Variants in C19orf44 observed in about 807,000 individuals in gnomAD.
C19orf44 encodes chromosome 19 open reading frame 44.
A neutral mutation model predicts 50.7 loss-of-function variants in C19orf44; 43 were observed. The observed-to-expected ratio is 0.85, with a 90% CI of 0.66 to 1.09. The LOEUF (loss-of-function observed/expected upper bound fraction) is 1.09. C19orf44 is among the 50% of genes least tolerant of loss of function. The pLI is 0.00. For synonymous variants in C19orf44, 298 were observed against 334.7 expected, an observed-to-expected ratio of 0.89 and a Z score of 1.20; for missense variants, 722 against 836.2, an observed-to-expected ratio of 0.86 and a Z score of 1.68.
At chr19:16,510,095 G>A in intron 5 of C19orf44, 107 bp downstream of exon 5, 1 of 1,556,682 alleles carries the variant, frequency 6.4e-7, no homozygotes, top group Non-Finnish European at 8.8e-7. Flanking sequence ...CTGAGATTTG[G>A]GCTCTTGTTA....
In C19orf44 at chr19:16,501,110, T is replaced by A. The variant is rs368718509; in HGVS notation, c.318T>A (p.Asn106Lys). Reference sequence around the variant, plus strand: ...CCCAGCTGGAAACCCGGATCATGAATCGGAAGCTGCAGAGGAATTTGTCTG... The same window carrying A: ...CCCAGCTGGAAACCCGGATCATGAAACGGAAGCTGCAGAGGAATTTGTCTG... ...KLAQLETRIMNRKLQRNLSDT... is the reference protein window; with the variant it reads ...KLAQLETRIMKRKLQRNLSDT... Residue 106 changes from asparagine (N) to lysine (K), a missense_variant, in exon 2 of 9, where the codon AAT becomes AAA. Coordinates refer to ENST00000221671, the MANE Select transcript of C19orf44 (RefSeq NM_032207.4). The A allele has an allele frequency of 6.2e-7, 1 of 1,613,930 alleles. No individual in the cohort carries two copies. Among genetic ancestry groups the A allele is most frequent in the Non-Finnish European group, 8.5e-7 (1 of 1,180,036 alleles).
chr19:16,520,018 G>T lies in C19orf44; in HGVS notation c.*41-76G>T, dbSNP rs1221360883. The T allele has an allele frequency of 1.1e-6, 1 of 946,840 alleles. No homozygotes were observed. The highest frequency in any genetic ancestry group is 1.6e-6 in the Non-Finnish European group (1 of 613,166). The allele number at this position is 946,840 out of a possible 1,614,324, so 58.7% of individuals were successfully genotyped here. A position where few individuals can be genotyped will look rare whatever the true frequency, so the allele number is the denominator to read the frequency against. The stretch of plus-strand genomic sequence containing the variant: ...GTGGCTACTGTGGTGAAGGGTGAGG[G>T]GTGCCACTGTCCCCGGGCTAATGCT... On this transcript the variant is annotated intron_variant, in intron 8 of 8. Transcript: ENST00000221671. This position sits in a 1 kb window ranked among gnomAD's most constrained non-coding sequence, Gnocchi z 4.0.
At chr19:16,510,024 G>T in intron 5 of C19orf44, 36 bp downstream of exon 5, 1 of 1,613,904 alleles carries the variant, frequency 6.2e-7, no homozygotes, top group South Asian at 1.1e-5. Flanking sequence ...GGGGCAGCCG[G>T]GACAGGAGCT....
chr19:16,507,421 T>C (rs956780933), intron 4 of C19orf44, among the ~76,000 whole-genome samples: 4 of 152,108 alleles, frequency 2.6e-5, no homozygotes, highest in Admixed American at 6.6e-5. Context: ...TTATACACAG[T>C]GATGACATTT....
At position 16,513,037 on chromosome 19, in the gene C19orf44, C is replaced by T; in HGVS notation, c.1663C>T (p.Pro555Ser). The change falls in exon 6 of 9, where the codon CCT becomes TCT. Residue 555 changes from proline to serine, a missense_variant. Physicochemically the swap from Pro to Ser is moderately conservative, Grantham distance 74. Transcript: ENST00000221671. ...AGTGGCCAGCATGGCAGCCATGGGG[C>T]CTGCCCTGGGAGGCGCCTACGTGGA... ...TKVASMAAMG[P>S]ALGGAYVDPT... 4 of 1,613,396 alleles carry T rather than the reference C, an allele frequency of 2.5e-6. No individual in the cohort carries two copies. Among genetic ancestry groups the T allele is most frequent in the Non-Finnish European group, 3.4e-6 (4 of 1,179,972 alleles).
chr19:16,515,191 A>G (rs1049371825), intron 7 of C19orf44, among the ~76,000 whole-genome samples: 8 of 152,106 alleles, frequency 5.3e-5, no homozygotes, highest in African/African-American at 1.9e-4. Flanking sequence ...GTGAAGCCCC[A>G]TCTCTACTAA....
intron 4 of C19orf44, 100 bp from the exon 5 acceptor site, chr19:16,509,399 C>T (rs2093449767): frequency 4.8e-6 from 7 of 1,445,610 alleles, no homozygotes; most frequent in Non-Finnish European, 4.7e-6. Context: ...CCCTTGTCTG[C>T]GGGAGTGCTG....
At chr19:16,516,813 A>G (rs2093473760) in intron 7 of C19orf44, among the ~76,000 whole-genome samples, 1 of 152,184 alleles carries the variant, frequency 6.6e-6, no homozygotes, top group African/African-American at 2.4e-5. Context: ...GGTCTCTACA[A>G]TGTCAACTTT....
chr19:16,520,708 G>T lies in C19orf44; in HGVS notation c.*655G>T. Reference sequence around the variant, plus strand: ...GAATTCAGGCCTTGTGGAAAACACCGCCCCATAGGCACAGGCTGTGTGAGG... The same window carrying T: ...GAATTCAGGCCTTGTGGAAAACACCTCCCCATAGGCACAGGCTGTGTGAGG... On this transcript the variant is annotated 3_prime_UTR_variant, in exon 9 of 9. Transcript: ENST00000221671. The surrounding 1 kb of genome is among the most constrained non-coding windows in gnomAD (Gnocchi z 4.0). 1.7e-6 allele frequency: 2 copies of T among 1,193,162 alleles called. No individual in the cohort carries two copies. The highest frequency in any genetic ancestry group is 2.5e-6 in the Non-Finnish European group (2 of 813,562). 73.9% of individuals were successfully genotyped at this position (1,193,162 alleles called of 1,614,324 possible). A position where few individuals can be genotyped will look rare whatever the true frequency, so the allele number is the denominator to read the frequency against.
In C19orf44 at chr19:16,520,342, C is replaced by T. The variant is rs1441231175; in HGVS notation, c.*289C>T. On this transcript the variant is annotated 3_prime_UTR_variant, in exon 9 of 9. Transcript: ENST00000221671. The surrounding 1 kb of genome is among the most constrained non-coding windows in gnomAD (Gnocchi z 4.0). ...CCACAGGAAGAGGCCTCAGGCACTG[C>T]CCTGAGGCAGCCTCTGCCTACCTAG... The T allele has an allele frequency of 1.9e-6, 3 of 1,611,450 alleles. No homozygotes were observed. In the Admixed American group the frequency reaches 5.0e-5, roughly 27 times the overall value.
rs762562358 is a variant in C19orf44, at chr19:16,520,227, C to T, written c.*174C>T. On this transcript the variant is annotated 3_prime_UTR_variant, in exon 9 of 9. Transcript: ENST00000221671. This position sits in a 1 kb window ranked among gnomAD's most constrained non-coding sequence, Gnocchi z 4.0. ...CTTGGACCGGGACCGCGACTGGGAC[C>T]GGGAGCGGCTTCTGGAGGAGCGCGA... 1.2e-5 allele frequency: 20 copies of T among 1,613,392 alleles called. No homozygotes were observed. Among genetic ancestry groups the T allele is most frequent in the African/African-American group, 5.3e-5 (4 of 75,012 alleles).
At position 16,519,591 on chromosome 19, in the gene C19orf44, T is replaced by A. The variant is rs778163825; in HGVS notation, c.*41-503T>A. 27 of 1,574,022 alleles carry A rather than the reference T, an allele frequency of 1.7e-5. No homozygotes were observed. Among genetic ancestry groups the A allele is most frequent in the Non-Finnish European group, 2.4e-5 (27 of 1,143,800 alleles). ...CGGGCCCAGCACGCGTGAGGACCCATCCCGCGCCCTCCCCATTCCCTCGCC... is the reference window on the plus strand; with the variant it reads ...CGGGCCCAGCACGCGTGAGGACCCAACCCGCGCCCTCCCCATTCCCTCGCC... On this transcript the variant is annotated intron_variant, in intron 8 of 8. Transcript: ENST00000221671. This position sits in a 1 kb window ranked among gnomAD's most constrained non-coding sequence, Gnocchi z 6.0.
chr19:16,510,173 G>A lies in C19orf44; in HGVS notation c.1639+185G>A, dbSNP rs573580755. 125 of 772,080 alleles carry A rather than the reference G, an allele frequency of 1.6e-4. No homozygotes were observed. The Admixed American group carries it at 1.9e-3, about 12-fold the overall frequency. 47.8% of individuals were successfully genotyped at this position (772,080 alleles called of 1,614,324 possible). On this transcript the variant is annotated intron_variant, in intron 5 of 8. Coordinates refer to ENST00000221671, the MANE Select transcript of C19orf44 (RefSeq NM_032207.4). ...TGTAATCCCAGCACTTTGGGAGGCC[G>A]AGGCGGGAGGATCACTTGAGGTCAG...
At position 16,521,137 on chromosome 19, in the gene C19orf44, C is replaced by T. The variant is rs1036077811; in HGVS notation, c.*1084C>T. On this transcript the variant is annotated 3_prime_UTR_variant, in exon 9 of 9. Transcript: ENST00000221671. Reference sequence around the variant, plus strand: ...CCACGCCCTTGCCACCCTGCTGTTCCGCTGAGGTGGTGGGGACCCATGGTC... The same window carrying T: ...CCACGCCCTTGCCACCCTGCTGTTCTGCTGAGGTGGTGGGGACCCATGGTC... 29 of 599,272 alleles carry T rather than the reference C, an allele frequency of 4.8e-5. No homozygotes were observed. Among genetic ancestry groups the T allele is most frequent in the Admixed American group, 3.1e-4 (11 of 35,242 alleles). 37.1% of individuals were successfully genotyped at this position (599,272 alleles called of 1,614,324 possible).
Position 16,499,089 on chromosome 19 carries a change from A to G in C19orf44, c.-1-1703A>G, listed in dbSNP as rs146732233. Among the ~76,000 whole-genome samples, 19 of 152,272 alleles carry G rather than the reference A, an allele frequency of 1.2e-4. No homozygotes were observed. The East Asian group carries it at 3.7e-3, about 29-fold the overall frequency. On this transcript the variant is annotated intron_variant, in intron 1 of 8. Coordinates refer to ENST00000221671, the MANE Select transcript of C19orf44 (RefSeq NM_032207.4). Reference sequence around the variant, plus strand: ...TGAGCAGGCTGACACAGAGCGATTAAGTAACTTGCCCGGGGTCACACAGAC... The same window carrying G: ...TGAGCAGGCTGACACAGAGCGATTAGGTAACTTGCCCGGGGTCACACAGAC...
intron 6 of C19orf44, among the ~76,000 whole-genome samples, chr19:16,513,369 C>T (rs539509668): frequency 6.6e-6 from 1 of 152,134 alleles, no homozygotes; most frequent in Non-Finnish European, 1.5e-5. Context: ...GTGCCCTGCA[C>T]CCCAACAAGG....
At position 16,509,614 on chromosome 19, in the gene C19orf44, C is replaced by T. The variant is rs763770244; in HGVS notation, c.1265C>T (p.Ala422Val). The T allele has an allele frequency of 1.2e-6, 2 of 1,614,220 alleles. No individual in the cohort carries two copies. Among genetic ancestry groups the T allele is most frequent in the Non-Finnish European group, 1.7e-6 (2 of 1,180,030 alleles). The change falls in exon 5 of 9, where the codon GCC becomes GTC. Residue 422 changes from alanine to valine, a missense_variant. Coordinates refer to ENST00000221671, the MANE Select transcript of C19orf44 (RefSeq NM_032207.4). ...QARSWASQGK[A>V]ASAEGDESEV... Reference sequence around the variant, plus strand: ...AGGAGCTGGGCATCACAGGGAAAGGCCGCCTCTGCAGAGGGGGATGAGAGC... The same window carrying T: ...AGGAGCTGGGCATCACAGGGAAAGGTCGCCTCTGCAGAGGGGGATGAGAGC...
In C19orf44 at chr19:16,509,749, C is replaced by T; in HGVS notation, c.1400C>T (p.Ala467Val). 1 of 1,614,278 alleles carries T rather than the reference C, an allele frequency of 6.2e-7. No individual in the cohort carries two copies. The change falls in exon 5 of 9, where the codon GCT becomes GTT. Residue 467 changes from alanine (A) to valine (V), a missense_variant. By Grantham distance (64) the Ala-to-Val change is moderately conservative (BLOSUM62 0). Transcript: ENST00000221671. ...CCCATGGTGAACACAGTCAGCTCAG[C>T]TTATTCGGAGGATTTTGAAAACTCT... ...EAPMVNTVSS[A>V]YSEDFENSPS...
chr19:16,510,635 G>T (rs905130622), intron 5 of C19orf44, among the ~76,000 whole-genome samples: 2 of 152,090 alleles, frequency 1.3e-5, no homozygotes, highest in Non-Finnish European at 2.9e-5. Flanking sequence ...GCATCTGCTG[G>T]GTGGAGGCCA....
Sources: gnomAD v4.1 joint callset for allele counts (sites outside exome capture counted in the v4.1 genomes callset) on GRCh38, gnomAD v4.1.1 for gene constraint, Gnocchi (gnomAD v3.1) non-coding constraint, MANE v1.5 for transcripts, NCBI Gene and HGNC (gene_info 2026-07-23, HGNC 2026-07-21) for gene names.